Variants in NDRG4 observed in about 807,000 individuals in gnomAD.
NDRG4 encodes protein NDRG4.
In NDRG4, 38 loss-of-function variants were observed where a neutral mutation model predicts 55.8. That is an observed-to-expected ratio of 0.68 (90% CI 0.53 to 0.89). The LOEUF is 0.89. Among genes scored for constraint, NDRG4 ranks in the 40% least tolerant of loss-of-function variants. The pLI is 0.00. For missense variants in NDRG4, 455 were observed against 468.6 expected (o/e 0.97, Z 0.27); for synonymous variants, 190 against 182.7 (o/e 1.04, Z -0.32).
At chr16:58,509,927 T>TAC (rs1232557245) in intron 13 of NDRG4, among the ~76,000 whole-genome samples, 2 of 149,502 alleles carry the variant, frequency 1.3e-5, no homozygotes, top group Non-Finnish European at 3.0e-5. Context: ...TGGAACCAGG[T>TAC]ACACACACAC....
Position 58,509,289 on chromosome 16 carries a change from T to C in NDRG4, c.814-12T>C, listed in dbSNP as rs768877385. On this transcript the variant is annotated splice_polypyrimidine_tract_variant and intron_variant, in intron 12 of 14. Transcript: ENST00000570248. The stretch of plus-strand genomic sequence containing the variant: ...AGCCAATGAAAGCATGTGCTTGTCC[T>C]GCCCTCCGCAGCCAGGGAAGCTGAC... 9.9e-6 allele frequency: 16 copies of C among 1,613,966 alleles called. No individual in the cohort carries two copies.
At chr16:58,470,386 G>A (rs533171721) in intron 1 of NDRG4, among the ~76,000 whole-genome samples, 2 of 152,166 alleles carry the variant, frequency 1.3e-5, no homozygotes, top group Non-Finnish European at 2.9e-5. Flanking sequence ...CTAAGGAGGA[G>A]GAACCAGCAA....
intron 1 of NDRG4, 37 bp downstream of exon 1, chr16:58,500,306 G>T (rs1395519267): frequency 6.5e-7 from 1 of 1,534,420 alleles, no homozygotes; most frequent in East Asian, 2.4e-5. Flanking sequence ...GGTGGGCCGG[G>T]AGGATGGTGC....
chr16:58,489,693 A>T (rs1412683612), intron 2 of NDRG4, among the ~76,000 whole-genome samples: 1 of 152,086 alleles, frequency 6.6e-6, no homozygotes, highest in African/African-American at 2.4e-5. Flanking sequence ...CACACAGCAC[A>T]CATAGCTCTC....
At chr16:58,492,489 CGTGTGTGTGTGTGT>C (rs58901035) in intron 2 of NDRG4, among the ~76,000 whole-genome samples, 13,269 of 123,872 alleles carry the variant, frequency 0.11, 908 homozygotes, top group African/African-American at 0.16. Flanking sequence ...TCTGCTCCAC[CGTGTGTGTGTGTGT>C]GTGTGTGTGT....
In NDRG4 at chr16:58,464,095, T is replaced by G; in HGVS notation, c.-24+298T>G. On this transcript the variant is annotated intron_variant, in intron 1 of 15. Transcript: ENST00000258187. The surrounding 1 kb of genome is among the most constrained non-coding windows in gnomAD (Gnocchi z 4.8). ...ACGCCCGGAGGCGGCGGGGTCTCTT[T>G]GTTCGGGCGGCGGGCACGGGGGACC... 3.7e-6 allele frequency: 1 copy of G among 269,012 alleles called. No individual in the cohort carries two copies. The highest frequency in any genetic ancestry group is 6.9e-6 in the Non-Finnish European group (1 of 144,048). The allele number at this position is 269,012 out of a possible 1,614,324, so 16.7% of individuals were successfully genotyped here.
intron 1 of NDRG4, among the ~76,000 whole-genome samples, chr16:58,476,176 A>G (rs2151600300): frequency 6.6e-6 from 1 of 152,364 alleles, no homozygotes; most frequent in South Asian, 2.1e-4. Flanking sequence ...ACGTCATCAT[A>G]AACAAATTTT....
chr16:58,506,305 G>A (rs1342472697), intron 5 of NDRG4, 82 bp from the exon 6 acceptor site: 3 of 1,372,256 alleles, frequency 2.2e-6, no homozygotes, highest in African/African-American at 1.4e-5. Flanking sequence ...CTGATCAGCA[G>A]CACCTTGAAG....
chr16:58,500,487 A>C, intron 1 of NDRG4: 13 of 344,398 alleles, frequency 3.8e-5, no homozygotes, highest in East Asian at 1.0e-4. Flanking sequence ...GTCAGAGCCC[A>C]TAGCAGGGGC....
chr16:58,515,039 A>G (rs531834356), downstream of NDRG4, among the ~76,000 whole-genome samples: 1 of 152,344 alleles, frequency 6.6e-6, no homozygotes, highest in African/African-American at 2.4e-5. Flanking sequence ...TTCTAGATCC[A>G]GGAGCCCTCT....
intron 5 of NDRG4, among the ~76,000 whole-genome samples, chr16:58,505,446 A>G (rs2037808299): frequency 6.6e-6 from 1 of 151,394 alleles, no homozygotes; most frequent in African/African-American, 2.4e-5. Context: ...AAAACCCAAA[A>G]GACTAATTTT....
chr16:58,477,131 G>GAT (rs973644293), intron 1 of NDRG4, among the ~76,000 whole-genome samples: 11 of 150,640 alleles, frequency 7.3e-5, no homozygotes, highest in African/African-American at 1.2e-4. Context: ...ATATATATGT[G>GAT]ATATATATAT....
At chr16:58,509,031 C>T (rs756076097) in intron 11 of NDRG4, 22 bp downstream of exon 11, 2 of 1,614,028 alleles carry the variant, frequency 1.2e-6, no homozygotes, top group African/African-American at 2.7e-5. Flanking sequence ...TTCCCCAGCC[C>T]TGGGCCAGCT....
chr16:58,477,205 A>G (rs1327683822), intron 1 of NDRG4, among the ~76,000 whole-genome samples: 62 of 151,678 alleles, frequency 4.1e-4, no homozygotes, highest in Non-Finnish European at 1.2e-4. Flanking sequence ...TGTCTTGCAT[A>G]CATTTCATAG....
intron 13 of NDRG4, among the ~76,000 whole-genome samples, chr16:58,509,755 C>G (rs1380404212): frequency 6.6e-6 from 1 of 152,168 alleles, no homozygotes; most frequent in East Asian, 1.9e-4. Flanking sequence ...GGGTCTATGG[C>G]ACCTGAGAAG....
At chr16:58,486,572 C>T (rs2035104718) in intron 1 of NDRG4, among the ~76,000 whole-genome samples, 1 of 151,862 alleles carries the variant, frequency 6.6e-6, no homozygotes, top group Non-Finnish European at 1.5e-5. Flanking sequence ...TAGATTATGT[C>T]CTTGGCTAGT....
chr16:58,495,695 C>T (rs1199076825), upstream of NDRG4: 2 of 152,652 alleles, frequency 1.3e-5, no homozygotes, highest in East Asian at 3.8e-4. Context: ...TTTGGCTCGT[C>T]CCCCAGTGGG....
intron 1 of NDRG4, among the ~76,000 whole-genome samples, chr16:58,483,665 CAAA>C (rs1352269330): frequency 6.6e-6 from 1 of 152,174 alleles, no homozygotes; most frequent in Non-Finnish European, 1.5e-5. Flanking sequence ...AGGAAAAACA[CAAA>C]AAACTCCAAA....
chr16:58,482,788 C>CTCTCTCTTTCTT (rs1302253182), intron 1 of NDRG4, among the ~76,000 whole-genome samples: 1 of 138,258 alleles, frequency 7.2e-6, no homozygotes, highest in South Asian at 2.4e-4. Flanking sequence ...TTCCTTCTCT[C>CTCTCTCTTTCTT]TCTCTCTTTC....
Sources: allele counts gnomAD v4.1 joint callset (sites outside exome capture counted in the v4.1 genomes callset), GRCh38; gene constraint gnomAD v4.1.1; non-coding constraint Gnocchi (gnomAD v3.1); transcripts MANE v1.5; gene names NCBI Gene and HGNC (gene_info 2026-07-23, HGNC 2026-07-21).